ZNF385D: variants seen among roughly 807,000 people sequenced by gnomAD.
The protein encoded by ZNF385D is zinc finger protein 659.
Under a neutral mutation model 35.8 loss-of-function variants are expected in ZNF385D, and 15 were observed. The ratio of observed to expected loss-of-function variants is 0.42; its 90% CI spans 0.28 to 0.64. The LOEUF (loss-of-function observed/expected upper bound fraction) is 0.64. ZNF385D is among the 30% of genes least tolerant of loss of function. ZNF385D has a pLI of 0.23. For missense variants in ZNF385D, 474 were observed against 494.6 expected (o/e 0.96, Z 0.39); for synonymous variants, 212 against 186.8 (o/e 1.13, Z -1.10).
rs146832750 is a variant in ZNF385D, at chr3:22,225,924, C to T, written c.107-56889G>A. The stretch of plus-strand genomic sequence containing the variant: ...TAGGTCAAATTGTTGTGCACGTGTG[C>T]ACATATGTCTCTTTACAAAGAGCAC... On this transcript the variant is annotated intron_variant, in intron 2 of 5. Transcript: ENST00000494108. Among the ~76,000 whole-genome samples, 419 of 152,244 alleles carry T rather than the reference C, an allele frequency of 2.8e-3. 1 individual carries two copies. Among genetic ancestry groups the T allele is most frequent in the African/African-American group, 9.3e-3 (387 of 41,556 alleles).
intron 3 of ZNF385D, among the ~76,000 whole-genome samples, chr3:22,029,826 T>C (rs1040851952): frequency 3.9e-5 from 6 of 152,084 alleles, no homozygotes; most frequent in Non-Finnish European, 7.4e-5. Flanking sequence ...TTATGTATGA[T>C]CTCGGGAGAT....
chr3:21,412,433 C>T lies in ZNF385D; in HGVS notation c.*8781G>A, dbSNP rs1318729954. 6.6e-6 allele frequency: 1 copy of T among 151,870 alleles called. No individual in the cohort carries two copies. Among genetic ancestry groups the T allele is most frequent in the Non-Finnish European group, 1.5e-5 (1 of 67,926 alleles). The allele number at this position is 151,870 out of a possible 1,614,324, so 9.4% of individuals were successfully genotyped here. On this transcript the variant is annotated 3_prime_UTR_variant, in exon 8 of 8. Coordinates refer to ENST00000281523, the MANE Select transcript of ZNF385D (RefSeq NM_024697.3). Reference sequence around the variant, plus strand: ...ATAATTTGTTCTAATATTCCTCTTCCTTAGAGCCTTCAAACTTAAACCAAG... The same window carrying T: ...ATAATTTGTTCTAATATTCCTCTTCTTTAGAGCCTTCAAACTTAAACCAAG...
intron 2 of ZNF385D, among the ~76,000 whole-genome samples, chr3:21,620,363 C>T (rs1329059876): frequency 1.3e-5 from 2 of 152,190 alleles, no homozygotes; most frequent in Middle Eastern, 3.4e-3. Context: ...AACCCTCTTC[C>T]TCTGCCCCCA....
intron 3 of ZNF385D, among the ~76,000 whole-genome samples, chr3:21,809,661 T>TATACATATATAC (rs1553672102): frequency 6.7e-6 from 1 of 148,160 alleles, no homozygotes; most frequent in African/African-American, 2.5e-5. Flanking sequence ...CATATACATA[T>TATACATATATAC]ATACACATAT....
intron 4 of ZNF385D, chr3:21,441,552 C>G (rs1167477793): frequency 4.5e-6 from 1 of 222,124 alleles, no homozygotes; most frequent in East Asian, 1.8e-4. Context: ...AAACATTTGA[C>G]TATAAAAGAA....
chr3:21,879,499 G>C (rs886598491), intron 3 of ZNF385D, among the ~76,000 whole-genome samples: 6 of 151,966 alleles, frequency 3.9e-5, no homozygotes, highest in African/African-American at 1.4e-4. Context: ...GTAGGCTTTT[G>C]TGTATTAGCT....
chr3:21,886,141 A>G (rs948682046), intron 3 of ZNF385D, among the ~76,000 whole-genome samples: 1 of 152,124 alleles, frequency 6.6e-6, no homozygotes, highest in Admixed American at 6.5e-5. Context: ...CAGTATCAGT[A>G]AAAATTGGCA....
chr3:21,822,840 G>C (rs1413067303), intron 3 of ZNF385D, among the ~76,000 whole-genome samples: 1 of 152,056 alleles, frequency 6.6e-6, no homozygotes, highest in African/African-American at 2.4e-5. Flanking sequence ...AATGCATGTG[G>C]AATCTTACTG....
chr3:21,835,072 C>T (rs750961063), intron 3 of ZNF385D, among the ~76,000 whole-genome samples: 2 of 152,074 alleles, frequency 1.3e-5, no homozygotes, highest in African/African-American at 2.4e-5. Flanking sequence ...AATAAACTCA[C>T]TTGTTTATTG....
intron 3 of ZNF385D, among the ~76,000 whole-genome samples, chr3:21,929,641 T>C (rs1225342919): frequency 2.0e-5 from 3 of 152,046 alleles, no homozygotes; most frequent in South Asian, 2.1e-4. Context: ...AAAAAATCAA[T>C]TGTATTTTTA....
intron 3 of ZNF385D, among the ~76,000 whole-genome samples, chr3:21,787,642 C>T (rs1330723659): frequency 6.6e-6 from 1 of 152,054 alleles, no homozygotes; most frequent in Non-Finnish European, 1.5e-5. Context: ...CAATGAAAAT[C>T]ACCAGGCCAC....
intron 3 of ZNF385D, among the ~76,000 whole-genome samples, chr3:22,067,136 G>C (rs1699999347): frequency 6.6e-6 from 1 of 152,134 alleles, no homozygotes; most frequent in African/African-American, 2.4e-5. Context: ...GAAAAATAAA[G>C]AGAATATGGA....
In ZNF385D at chr3:22,134,356, T is replaced by C. The variant is rs943964712; in HGVS notation, c.325+34461A>G. 5.3e-5 allele frequency: 8 copies of C among 152,168 alleles called. No individual in the cohort carries two copies. The East Asian group carries it at 1.5e-3, about 29-fold the overall frequency. 9.4% of individuals were successfully genotyped at this position (152,168 alleles called of 1,614,324 possible). A position where few individuals can be genotyped will look rare whatever the true frequency, so the allele number is the denominator to read the frequency against. On this transcript the variant is annotated intron_variant, in intron 3 of 5. Coordinates refer to the ZNF385D transcript ENST00000494108. Reference sequence around the variant, plus strand: ...ATGCTAAATGGATATGTCCCTACCATGGAACTTCCAAATGCTTGAAGCAAA... The same window carrying C: ...ATGCTAAATGGATATGTCCCTACCACGGAACTTCCAAATGCTTGAAGCAAA...
At chr3:22,157,307 T>A (rs899340630) in intron 3 of ZNF385D, among the ~76,000 whole-genome samples, 19 of 152,138 alleles carry the variant, frequency 1.2e-4, no homozygotes, top group Non-Finnish European at 2.5e-4. Context: ...TAGAATAAAA[T>A]CTAGAACAAT....
chr3:21,462,911 G>A (rs1703269424), intron 4 of ZNF385D, among the ~76,000 whole-genome samples: 1 of 152,176 alleles, frequency 6.6e-6, no homozygotes, highest in African/African-American at 2.4e-5. Context: ...GAACCAGGGA[G>A]ACAGAGGTTG....
intron 2 of ZNF385D, among the ~76,000 whole-genome samples, chr3:22,360,488 A>G (rs1312456617): frequency 7.9e-5 from 12 of 151,956 alleles, no homozygotes; most frequent in Non-Finnish European, 1.5e-5. Context: ...TCTGTTTTCT[A>G]TATACTCGAG....
intron 2 of ZNF385D, among the ~76,000 whole-genome samples, chr3:22,282,606 A>T (rs920001124): frequency 6.6e-5 from 10 of 152,134 alleles, no homozygotes; most frequent in South Asian, 4.2e-4. Context: ...TATTTGCTAT[A>T]ATTTTGATTT....
In ZNF385D at chr3:22,045,057, C is replaced by T. The variant is rs145757082; in HGVS notation, c.325+123760G>A. Among the ~76,000 whole-genome samples the T allele has an allele frequency of 2.0e-5, 3 of 152,152 alleles. No homozygotes were observed. The East Asian group carries it at 5.8e-4, about 29-fold the overall frequency. On this transcript the variant is annotated intron_variant, in intron 3 of 5. Transcript: ENST00000494108. ...TTAATTTTTGTTTGTTGATATTTAT[C>T]CTGCAACTTTACTGTACTTGTTTAT...
intron 3 of ZNF385D, among the ~76,000 whole-genome samples, chr3:21,822,962 C>A (rs1429053484): frequency 6.6e-6 from 1 of 151,826 alleles, no homozygotes; most frequent in Non-Finnish European, 1.5e-5. Context: ...ACTCAAAATT[C>A]AGAAGAGTAA....
Sources: allele counts gnomAD v4.1 joint callset (sites outside exome capture counted in the v4.1 genomes callset), GRCh38; gene constraint gnomAD v4.1.1; transcripts MANE v1.5; gene names NCBI Gene and HGNC (gene_info 2026-07-23, HGNC 2026-07-21).